Variants in DLG2 observed in about 807,000 individuals in gnomAD.
DLG2 encodes discs large MAGUK scaffold protein 2, also known as disks large homolog 2.
DLG2 carries 45 observed loss-of-function variants against 132.5 expected under a neutral mutation model. That is an observed-to-expected ratio of 0.34 (90% CI 0.27 to 0.44). DLG2 has a LOEUF of 0.44. Ranked by LOEUF, DLG2 falls within the 20% of genes least tolerant of loss-of-function variation. DLG2 has a pLI of 1.00. For missense variants in DLG2, 1,045 were observed against 1,196.9 expected (o/e 0.87, Z 1.87); for synonymous variants, 424 against 419.6 (o/e 1.01, Z -0.13).
intron 6 of DLG2, among the ~76,000 whole-genome samples, chr11:85,093,198 G>A (rs2069107310): frequency 6.6e-6 from 1 of 152,122 alleles, no homozygotes; most frequent in Non-Finnish European, 1.5e-5. Context: ...TGCCGGGCTT[G>A]TTGAAATATA....
intron 7 of DLG2, among the ~76,000 whole-genome samples, chr11:84,358,415 A>C (rs1043082460): frequency 2.2e-5 from 3 of 134,812 alleles, no homozygotes; most frequent in Non-Finnish European, 4.7e-5. Context: ...ACCTACTTTC[A>C]TTGGTATATG....
At chr11:85,354,412 A>T (rs937629502) in intron 3 of DLG2, among the ~76,000 whole-genome samples, 4 of 152,178 alleles carry the variant, frequency 2.6e-5, no homozygotes, top group African/African-American at 9.6e-5. Flanking sequence ...GCATGAGAAG[A>T]ACAAAGGGGA....
chr11:84,778,036 T>C lies in DLG2; in HGVS notation c.358-243305A>G, dbSNP rs868266919. Among the ~76,000 whole-genome samples, 10 of 152,194 alleles carry C rather than the reference T, an allele frequency of 6.6e-5. No individual in the cohort carries two copies. The East Asian group carries it at 1.3e-3, about 20-fold the overall frequency. ...GTCATAAATTCTTTGCCTAGACCGA[T>C]ATCCAGAAGAGTTTTCCCTAGGTAT... On this transcript the variant is annotated intron_variant, in intron 6 of 27. Coordinates refer to ENST00000376104, the MANE Select transcript of DLG2 (RefSeq NM_001142699.3).
chr11:85,376,890 A>G (rs2085449538), intron 3 of DLG2, among the ~76,000 whole-genome samples: 1 of 152,184 alleles, frequency 6.6e-6, no homozygotes, highest in South Asian at 2.1e-4. Context: ...GCTGTACTGG[A>G]TATAAGGTAA....
At chr11:85,491,952 T>A (rs904723146) in intron 3 of DLG2, among the ~76,000 whole-genome samples, 1 of 149,188 alleles carries the variant, frequency 6.7e-6, no homozygotes, top group Admixed American at 6.6e-5. Context: ...TTAAGCAAGA[T>A]GATCAAAGCT....
intron 4 of DLG2, among the ~76,000 whole-genome samples, chr11:85,163,806 G>C (rs1043517777): frequency 6.6e-6 from 1 of 152,040 alleles, no homozygotes; most frequent in Admixed American, 6.6e-5. Flanking sequence ...TTGGATTGTA[G>C]GGGAGAAAAA....
intron 6 of DLG2, among the ~76,000 whole-genome samples, chr11:84,587,285 A>C (rs1383863031): frequency 6.6e-6 from 1 of 152,138 alleles, no homozygotes; most frequent in Admixed American, 6.6e-5. Context: ...TTTGCCACTG[A>C]TTATGTTCAT....
chr11:85,529,620 C>T (rs1053193260), intron 3 of DLG2, among the ~76,000 whole-genome samples: 2 of 152,122 alleles, frequency 1.3e-5, no homozygotes, highest in South Asian at 4.1e-4. Context: ...ACTCTTCATA[C>T]ACTTTACAAT....
chr11:84,952,287 T>G (rs1006753584), intron 6 of DLG2, among the ~76,000 whole-genome samples: 1 of 152,188 alleles, frequency 6.6e-6, no homozygotes, highest in African/African-American at 2.4e-5. Context: ...GGCTCACGCC[T>G]GTAATCCCAG....
chr11:85,280,897 T>C (rs995567730), intron 4 of DLG2, among the ~76,000 whole-genome samples: 3 of 152,048 alleles, frequency 2.0e-5, no homozygotes, highest in Admixed American at 6.6e-5. Flanking sequence ...TATTCCTAAA[T>C]AAAAATTTCT....
intron 15 of DLG2, among the ~76,000 whole-genome samples, chr11:83,925,708 G>T (rs991317693): frequency 6.6e-6 from 1 of 151,988 alleles, no homozygotes; most frequent in Non-Finnish European, 1.5e-5. Flanking sequence ...GCCTTCATCT[G>T]GTTTATCTCA....
intron 3 of DLG2, among the ~76,000 whole-genome samples, chr11:85,394,667 T>C (rs1432240651): frequency 2.0e-5 from 3 of 152,222 alleles, no homozygotes; most frequent in African/African-American, 7.2e-5. Context: ...AATCACTGAA[T>C]AAGGCCCAGC....
intron 6 of DLG2, among the ~76,000 whole-genome samples, chr11:84,845,852 G>T (rs1370813306): frequency 1.3e-5 from 2 of 151,738 alleles, no homozygotes; most frequent in Non-Finnish European, 2.9e-5. Context: ...GCTAATTTTT[G>T]TATTTTTAGT....
chr11:85,002,223 C>T (rs956940896), intron 6 of DLG2, among the ~76,000 whole-genome samples: 6 of 152,150 alleles, frequency 3.9e-5, no homozygotes, highest in African/African-American at 1.2e-4. Context: ...AATTTCCTAC[C>T]TCTAAAAATA....
At chr11:85,012,626 GA>G (rs544218834) in intron 6 of DLG2, among the ~76,000 whole-genome samples, 63 of 152,066 alleles carry the variant, frequency 4.1e-4, no homozygotes, top group African/African-American at 1.2e-3. Context: ...TACAAATAAT[GA>G]AAAAAATTAT....
intron 3 of DLG2, among the ~76,000 whole-genome samples, chr11:85,498,609 C>T (rs546138245): frequency 3.7e-4 from 56 of 152,246 alleles, no homozygotes; most frequent in African/African-American, 1.2e-3. Context: ...CTCCCCACCC[C>T]AAATCAACAG....
chr11:85,235,319 T>C lies in DLG2; in HGVS notation c.186+49901A>G, dbSNP rs536818333. On this transcript the variant is annotated intron_variant, in intron 4 of 27. Coordinates refer to ENST00000376104, the MANE Select transcript of DLG2 (RefSeq NM_001142699.3). ...TTGTTAAGGTGGTAGGAAATACAGA[T>C]GGGCTTATATTGGGATATTGTATGC... is the stretch of plus-strand genomic sequence containing the variant. 2.6e-5 allele frequency among the ~76,000 whole-genome samples: 4 copies of C among 152,104 alleles called. No individual in the cohort carries two copies. In the South Asian group the frequency reaches 8.3e-4, roughly 32 times the overall value.
At chr11:85,027,418 A>G (rs1336951971) in intron 6 of DLG2, among the ~76,000 whole-genome samples, 1 of 151,886 alleles carries the variant, frequency 6.6e-6, no homozygotes, top group Non-Finnish European at 1.5e-5. Flanking sequence ...CCAGCCAGAA[A>G]CCTCTGTGGC....
At chr11:84,335,011 C>G (rs1048035719) in intron 7 of DLG2, among the ~76,000 whole-genome samples, 1 of 151,688 alleles carries the variant, frequency 6.6e-6, no homozygotes, top group African/African-American at 2.4e-5. Flanking sequence ...TTCCAAAATG[C>G]AAATAGCTAA....
Sources: allele counts gnomAD v4.1 joint callset (sites outside exome capture counted in the v4.1 genomes callset), GRCh38; gene constraint gnomAD v4.1.1; transcripts MANE v1.5; gene names NCBI Gene and HGNC (gene_info 2026-07-23, HGNC 2026-07-21).